Variants in ATP10B observed in about 807,000 individuals in gnomAD.
ATP10B encodes phospholipid-transporting ATPase VB.
ATP10B carries 122 observed loss-of-function variants against 141.2 expected under a neutral mutation model. The observed-to-expected ratio is 0.86, with a 90% CI of 0.75 to 1.00. The LOEUF (loss-of-function observed/expected upper bound fraction) is 1.00. Among genes scored for constraint, ATP10B ranks in the 50% least tolerant of loss-of-function variants. The pLI, the probability that ATP10B is intolerant of heterozygous loss-of-function variation, is 0.00. For synonymous variants in ATP10B, 685 were observed against 692.0 expected (o/e 0.99, Z 0.16); for missense variants, 1,876 against 1,825.3 (o/e 1.03, Z -0.51).
chr5:160,761,982 G>T (rs1305390013), intron 2 of ATP10B, among the ~76,000 whole-genome samples: 9 of 152,154 alleles, frequency 5.9e-5, no homozygotes, highest in Admixed American at 2.0e-4. Context: ...AAAAACTTCA[G>T]AGCTTGAAGA....
intron 2 of ATP10B, among the ~76,000 whole-genome samples, chr5:160,748,413 G>T (rs1016582423): frequency 3.9e-5 from 6 of 152,192 alleles, no homozygotes; most frequent in Non-Finnish European, 7.3e-5. Flanking sequence ...AATGAGCCCA[G>T]GACAATTGAT....
At chr5:160,681,900 A>G (rs1273356641) in intron 6 of ATP10B, among the ~76,000 whole-genome samples, 1 of 152,212 alleles carries the variant, frequency 6.6e-6, no homozygotes, top group Non-Finnish European at 1.5e-5. Context: ...CTGTACTTCT[A>G]CATAATAACA....
Position 160,617,937 on chromosome 5 carries a change from A to G in ATP10B, c.2453T>C (p.Ile818Thr). The change falls in exon 16 of 26, where the codon ATC (isoleucine) becomes ACC (threonine). Residue 818 changes from isoleucine to threonine, a missense_variant. Coordinates refer to ENST00000327245, the MANE Select transcript of ATP10B (RefSeq NM_025153.3). ...DINMEKKLRK[I>T]RARTQKHLDL... Reference sequence around the variant, plus strand: ...TAGATGCTTTTGGGTCCGGGCTCGGATTTTTCTCAGCTTCTTTTCCATATT... The same window carrying G: ...TAGATGCTTTTGGGTCCGGGCTCGGGTTTTTCTCAGCTTCTTTTCCATATT... 2 of 1,614,082 alleles carry G rather than the reference A, an allele frequency of 1.2e-6. No individual in the cohort carries two copies. Among genetic ancestry groups the G allele is most frequent in the African/African-American group, 2.7e-5 (2 of 75,006 alleles).
At position 160,604,059 on chromosome 5, in the gene ATP10B, AC is replaced by A. The variant is rs1187119163; in HGVS notation, c.3161-19del. 3 of 1,610,114 alleles carry A rather than the reference AC, an allele frequency of 1.9e-6. No individual in the cohort carries two copies. The Admixed American group carries it at 5.0e-5, about 27-fold the overall frequency. On this transcript the variant is annotated intron_variant, in intron 19 of 25. Coordinates refer to ENST00000327245, the MANE Select transcript of ATP10B (RefSeq NM_025153.3). The stretch of plus-strand genomic sequence containing the variant: ...TCCATCACCTGAAAGAGAGGTCATA[AC>A]GTGTCTTTATTTTTGGTCCAACTGC...
chr5:160,568,829 C>T (rs998393812), intron 25 of ATP10B, among the ~76,000 whole-genome samples: 1 of 152,294 alleles, frequency 6.6e-6, no homozygotes, highest in East Asian at 1.9e-4. Flanking sequence ...GTTGCTGTTG[C>T]TATTTTTCTG....
At chr5:160,859,638 CAG>C in the ATP10B span, among the ~76,000 whole-genome samples, 2 of 151,724 alleles carry the variant, frequency 1.3e-5, no homozygotes, top group African/African-American at 2.4e-5. Flanking sequence ...CAGTAAAAAA[CAG>C]AAAGCAAAAA....
intron 6 of ATP10B, among the ~76,000 whole-genome samples, chr5:160,684,544 C>G (rs149326853): frequency 6.6e-6 from 1 of 152,290 alleles, no homozygotes; most frequent in Non-Finnish European, 1.5e-5. Context: ...CATGGCCACA[C>G]TGGGTTAAGA....
intron 12 of ATP10B, chr5:160,633,342 A>C (rs1759072735): frequency 6.6e-6 from 1 of 152,280 alleles, no homozygotes; most frequent in South Asian, 2.1e-4. Context: ...TGGATAAAGA[A>C]AATGTGGCAC....
chr5:160,584,452 C>T (rs1755757655), intron 24 of ATP10B, among the ~76,000 whole-genome samples: 1 of 152,210 alleles, frequency 6.6e-6, no homozygotes, highest in Non-Finnish European at 1.5e-5. Context: ...TTGCTAGGAA[C>T]TGCAGGCTGG....
chr5:160,636,049 G>A, intron 11 of ATP10B, 133 bp downstream of exon 11: 2 of 1,061,436 alleles, frequency 1.9e-6, no homozygotes, highest in Non-Finnish European at 2.6e-6. Context: ...GCACAAGAAA[G>A]CGATGACCAT....
intron 2 of ATP10B, among the ~76,000 whole-genome samples, chr5:160,753,189 G>T (rs572633151): frequency 6.9e-6 from 1 of 145,554 alleles, no homozygotes; most frequent in Admixed American, 6.7e-5. Flanking sequence ...GGGTGAAGCC[G>T]TGCTTATCTA....
At chr5:160,690,730 T>G (rs1254608829) in intron 3 of ATP10B, among the ~76,000 whole-genome samples, 1 of 152,076 alleles carries the variant, frequency 6.6e-6, no homozygotes, top group African/African-American at 2.4e-5. Flanking sequence ...GGATATGGAG[T>G]AATAAGAATG....
intron 3 of ATP10B, among the ~76,000 whole-genome samples, chr5:160,698,086 C>T (rs749149013): frequency 5.3e-5 from 8 of 152,118 alleles, no homozygotes; most frequent in Non-Finnish European, 7.3e-5. Flanking sequence ...ATTTCTCCCT[C>T]GAACTTTACA....
chr5:160,791,853 A>C lies in ATP10B; in HGVS notation c.-575-6050T>G, dbSNP rs76896817. Among the ~76,000 whole-genome samples, 400 of 152,278 alleles carry C rather than the reference A, an allele frequency of 2.6e-3. 6 individuals carry two copies. Among genetic ancestry groups the C allele is most frequent in the African/African-American group, 9.5e-3 (394 of 41,576 alleles). ...AAATAAGAGAATGGACTTGGAGAGA[A>C]AACTGACAGTATCAGCCTTCGTGTG... On this transcript the variant is annotated intron_variant, in intron 1 of 25. Coordinates refer to ENST00000327245, the MANE Select transcript of ATP10B (RefSeq NM_025153.3).
At position 160,656,472 on chromosome 5, in the gene ATP10B, G is replaced by GGGA. The variant is rs1376851266; in HGVS notation, c.676-7217_676-7216insTCC. ...TTGGTAGATTAAGCTACTGCATCTT[G>GGGA]TCTACAAATCCCCTGTATGCTCCCA... On this transcript the variant is annotated intron_variant, in intron 7 of 25. Coordinates refer to ENST00000327245, the MANE Select transcript of ATP10B (RefSeq NM_025153.3). 4.6e-5 allele frequency among the ~76,000 whole-genome samples: 7 copies of GGGA among 152,160 alleles called. No individual in the cohort carries two copies. The East Asian group carries it at 1.3e-3, about 29-fold the overall frequency.
chr5:160,626,292 C>A (rs939075547), intron 13 of ATP10B, among the ~76,000 whole-genome samples: 1 of 152,160 alleles, frequency 6.6e-6, no homozygotes, highest in African/African-American at 2.4e-5. Context: ...ATACAAACCC[C>A]CTTTGAGGAA....
Position 160,630,546 on chromosome 5 carries a change from G to A in ATP10B, c.1620+1583C>T, listed in dbSNP as rs142117580. Among the ~76,000 whole-genome samples the A allele has an allele frequency of 3.2e-4, 49 of 152,284 alleles. 1 individual carries two copies. The East Asian group carries it at 4.6e-3, about 14-fold the overall frequency. On this transcript the variant is annotated intron_variant, in intron 13 of 25. Transcript: ENST00000327245. ...GTATCTAGAACTGGAAGATGCCAAC[G>A]ACACACAGAATCTGTGCCTAATGAG... is the stretch of plus-strand genomic sequence containing the variant.
chr5:160,798,866 C>T (rs10072464), intron 1 of ATP10B, among the ~76,000 whole-genome samples: 66,377 of 150,572 alleles, frequency 0.44, 14,696 homozygotes, highest in East Asian at 0.6. Context: ...ATTCTTGTGC[C>T]TCAGCCTCCC....
chr5:160,700,233 G>A (rs936073917), intron 3 of ATP10B, among the ~76,000 whole-genome samples: 3 of 152,166 alleles, frequency 2.0e-5, no homozygotes, highest in Middle Eastern at 3.2e-3. Context: ...TCATCTAAGC[G>A]TTAAAGGACA....
Sources: gnomAD v4.1 joint callset for allele counts (sites outside exome capture counted in the v4.1 genomes callset) on GRCh38, gnomAD v4.1.1 for gene constraint, MANE v1.5 for transcripts, NCBI Gene and HGNC (gene_info 2026-07-23, HGNC 2026-07-21) for gene names.